Variants in TUBGCP3 observed in about 807,000 individuals in gnomAD.
The protein encoded by TUBGCP3 is tubulin gamma complex component 3, also known as gamma-tubulin complex component 3.
TUBGCP3 carries 50 observed loss-of-function variants against 123.1 expected under a neutral mutation model. The ratio of observed to expected loss-of-function variants is 0.41; its 90% CI spans 0.32 to 0.51. The LOEUF (loss-of-function observed/expected upper bound fraction) is 0.51. Ranked by LOEUF, TUBGCP3 falls within the 20% of genes least tolerant of loss-of-function variation. The pLI is 0.36. For synonymous variants in TUBGCP3, 405 were observed against 413.9 expected (o/e 0.98, Z 0.26); for missense variants, 882 against 1,127.0 (o/e 0.78, Z 3.11).
chr13:112,563,523 C>G (rs1290577329), intron 3 of TUBGCP3, among the ~76,000 whole-genome samples: 2 of 151,992 alleles, frequency 1.3e-5, no homozygotes, highest in Non-Finnish European at 2.9e-5. Context: ...AATAAACATT[C>G]AGAGCTCCAA....
chr13:112,567,248 CTTCT>C lies in TUBGCP3; in HGVS notation c.184+1900_184+1903del, dbSNP rs542087350. Among the ~76,000 whole-genome samples, 269 of 152,344 alleles carry C rather than the reference CTTCT, an allele frequency of 1.8e-3. 1 individual carries two copies. Among genetic ancestry groups the C allele is most frequent in the African/African-American group, 6.3e-3 (262 of 41,590 alleles). The stretch of plus-strand genomic sequence containing the variant: ...ACAAACTCTACATTGCTGCAGTTTT[CTTCT>C]TTAAAAGGAAAATCCCAGATTCCCT... On this transcript the variant is annotated intron_variant, in intron 2 of 21. Transcript: ENST00000261965.
At chr13:112,579,385 G>A (rs553285460) in intron 1 of TUBGCP3, among the ~76,000 whole-genome samples, 121 of 150,596 alleles carry the variant, frequency 8.0e-4, no homozygotes, top group African/African-American at 2.5e-3. Flanking sequence ...GCGGGGCCAC[G>A]GCATCCCTGG....
Position 112,519,753 on chromosome 13 carries a change from T to A in TUBGCP3, c.1881+133A>T. On this transcript the variant is annotated intron_variant, in intron 15 of 21. Coordinates refer to ENST00000261965, the MANE Select transcript of TUBGCP3 (RefSeq NM_006322.6). This position sits in a 1 kb window ranked among gnomAD's most constrained non-coding sequence, Gnocchi z 6.2. ...ACAAGCCACAGAGTGGAGTTCCTAC[T>A]CAGGCTGCCCAGTTTCCAGAAAGAT... 8.2e-7 allele frequency: 1 copy of A among 1,222,810 alleles called. No homozygotes were observed. The highest frequency in any genetic ancestry group is 1.8e-5 in the South Asian group (1 of 54,584). The allele number at this position is 1,222,810 out of a possible 1,614,324, so 75.7% of individuals were successfully genotyped here. A position where few individuals can be genotyped will look rare whatever the true frequency, so the allele number is the denominator to read the frequency against.
intron 8 of TUBGCP3, among the ~76,000 whole-genome samples, chr13:112,549,538 T>C (rs968300789): frequency 6.6e-6 from 1 of 152,228 alleles, no homozygotes; most frequent in Admixed American, 6.5e-5. Flanking sequence ...CCTGTAAATA[T>C]TCAGGGTTAA....
In TUBGCP3 at chr13:112,556,091, G is replaced by C. The variant is rs763621687; in HGVS notation, c.682C>G (p.Arg228Gly). The change falls in exon 6 of 22, where the codon CGC becomes GGC. Residue 228 changes from arginine to glycine, a missense_variant. Transcript: ENST00000261965. Reference sequence around the variant, plus strand: ...TCTCTCCTGGACCTTGTCATGTTGCGAGACACAGCACTGGGGACACCTTTT... The same window carrying C: ...TCTCTCCTGGACCTTGTCATGTTGCCAGACACAGCACTGGGGACACCTTTT... ...TSKGVPSAVS[R>G]NMTRSRREGD... The C allele has an allele frequency of 6.2e-7, 1 of 1,614,022 alleles. No individual in the cohort carries two copies. Among genetic ancestry groups the C allele is most frequent in the South Asian group, 1.1e-5 (1 of 91,072 alleles).
chr13:112,570,053 G>A (rs888077057), intron 1 of TUBGCP3, among the ~76,000 whole-genome samples: 1 of 152,112 alleles, frequency 6.6e-6, no homozygotes, highest in Admixed American at 6.5e-5. Context: ...GCTGAAGGGG[G>A]AGACCTGGCT....
intron 1 of TUBGCP3, among the ~76,000 whole-genome samples, chr13:112,577,868 AGTCTTC>A (rs1370905943): frequency 2.0e-5 from 3 of 152,302 alleles, no homozygotes; most frequent in African/African-American, 7.2e-5. Flanking sequence ...TCAAACTTTT[AGTCTTC>A]AAGATAAGAA....
At chr13:112,596,347 G>A in the TUBGCP3 span, among the ~76,000 whole-genome samples, 2 of 152,082 alleles carry the variant, frequency 1.3e-5, no homozygotes, top group Non-Finnish European at 2.9e-5. Context: ...GAAATATCTT[G>A]ACTCTCCTTT....
chr13:112,579,366 T>G (rs536673003), intron 1 of TUBGCP3, among the ~76,000 whole-genome samples: 1 of 151,062 alleles, frequency 6.6e-6, no homozygotes, highest in Non-Finnish European at 1.5e-5. Flanking sequence ...CCCACACTGC[T>G]GAATGCCCGC....
chr13:112,518,384 GAAGT>G (rs1400564537), intron 16 of TUBGCP3, among the ~76,000 whole-genome samples: 1 of 152,176 alleles, frequency 6.6e-6, no homozygotes, highest in Non-Finnish European at 1.5e-5. Flanking sequence ...AAAAATGACT[GAAGT>G]AAGTTTAGAG....
chr13:112,516,504 T>C lies in TUBGCP3; in HGVS notation c.2022A>G (p.Glu674=), dbSNP rs575804244. 2.0e-5 allele frequency: 32 copies of C among 1,614,010 alleles called. No homozygotes were observed. In the Admixed American group the frequency reaches 3.2e-4, roughly 16 times the overall value. The part of the protein sequence containing the change: ...FNFLWRAKRM[E]YILTDIRKGH... ...CCTTCCGTATGTCAGTGAGGATGTA[T>C]TCCATCCGCTTCGCCCTCCAGAGGA... is the stretch of plus-strand genomic sequence containing the variant. The change falls in exon 17 of 22, where the codon GAA becomes GAG. Residue 674 remains glutamate, a synonymous_variant. Transcript: ENST00000261965.
intron 14 of TUBGCP3, chr13:112,521,898 A>G (rs1482586123): frequency 1.4e-5 from 14 of 969,530 alleles, no homozygotes; most frequent in Non-Finnish European, 1.7e-5. Context: ...AATGTCAGGG[A>G]GCAAAATGAA....
At chr13:112,570,063 T>G (rs748206959) in intron 1 of TUBGCP3, among the ~76,000 whole-genome samples, 165 of 152,116 alleles carry the variant, frequency 1.1e-3, no homozygotes, top group Non-Finnish European at 1.6e-3. Flanking sequence ...GAGACCTGGC[T>G]GCAAGTTTGG....
Position 112,527,044 on chromosome 13 carries a change from A to G in TUBGCP3, c.1453T>C (p.Leu485=), listed in dbSNP as rs778232829. The G allele has an allele frequency of 1.9e-6, 3 of 1,612,392 alleles. No individual in the cohort carries two copies. In the South Asian group the frequency reaches 3.3e-5, roughly 18 times the overall value. The part of the protein sequence containing the change: ...MTMDQSRKVL[L]IGKSINFLHQ... ...AAGAAATTTATTGATTTTCCTATCA[A>G]AAGGACCTAAAAAGAAAAACATTCT... The change falls in exon 13 of 22, where the codon TTG becomes CTG. Residue 485 remains leucine, a synonymous_variant. Transcript: ENST00000261965.
chr13:112,504,058 G>A lies in TUBGCP3; in HGVS notation c.2281C>T (p.Arg761Cys), dbSNP rs940888988. ...HEVFLDTIISRCLLDSDSRAL... is the reference protein window; with the variant it reads ...HEVFLDTIISCCLLDSDSRAL... ...CTGGAGTCACTGTCCAGCAGGCAGC[G>A]GGAGATGATGGTGTCTAAGAACACC... The change falls in exon 19 of 22, where the codon CGC becomes TGC. Residue 761 changes from arginine (R) to cysteine (C), a missense_variant. Coordinates refer to ENST00000261965, the MANE Select transcript of TUBGCP3 (RefSeq NM_006322.6). The A allele has an allele frequency of 3.7e-6, 6 of 1,613,886 alleles. No homozygotes were observed. The highest frequency in any genetic ancestry group is 1.1e-5 in the South Asian group (1 of 91,036).
chr13:112,565,026 A>G, intron 3 of TUBGCP3, 85 bp downstream of exon 3: 3 of 1,192,850 alleles, frequency 2.5e-6, no homozygotes, highest in Non-Finnish European at 2.3e-6. Flanking sequence ...TTAATATGAT[A>G]CCACAAAAAA....
rs1326018284 is a variant in TUBGCP3, at chr13:112,485,920, G to C, written c.*73C>G. 4 of 1,118,976 alleles carry C rather than the reference G, an allele frequency of 3.6e-6. No homozygotes were observed. In the African/African-American group the frequency reaches 6.2e-5, roughly 17 times the overall value. The allele number at this position is 1,118,976 out of a possible 1,614,324, so 69.3% of individuals were successfully genotyped here. On this transcript the variant is annotated 3_prime_UTR_variant, in exon 22 of 22. Coordinates refer to ENST00000261965, the MANE Select transcript of TUBGCP3 (RefSeq NM_006322.6). ...ACACCTGCAGCATGCAGTTCCTGCA[G>C]GACGTCAATGGGAATTTCGTGTCTA...
intron 13 of TUBGCP3, among the ~76,000 whole-genome samples, chr13:112,526,293 TCAA>T (rs1193880355): frequency 1.5e-5 from 2 of 132,164 alleles, no homozygotes; most frequent in Non-Finnish European, 3.2e-5. Context: ...ATCAACATCA[TCAA>T]CACCATCACT....
At chr13:112,588,271 GTT>G (rs1023935311), upstream of TUBGCP3, 7 of 279,742 alleles carry the variant, frequency 2.5e-5, no homozygotes, top group Non-Finnish European at 4.7e-5. Context: ...GGCCGAGAAA[GTT>G]CCGGGCGACA....
Sources: gnomAD v4.1 joint callset for allele counts (sites outside exome capture counted in the v4.1 genomes callset) on GRCh38, gnomAD v4.1.1 for gene constraint, Gnocchi (gnomAD v3.1) non-coding constraint, MANE v1.5 for transcripts, NCBI Gene and HGNC (gene_info 2026-07-23, HGNC 2026-07-21) for gene names.